The following ALS2CL variants were observed in gnomAD, a reference collection of about 807,000 sequenced individuals.
ALS2CL encodes the protein ALS2 C-terminal-like protein.
ALS2CL carries 112 observed loss-of-function variants against 127.9 expected under a neutral mutation model. The observed-to-expected ratio is 0.88, with a 90% confidence interval of 0.75 to 1.02. The LOEUF is 1.02. Among genes scored for constraint, ALS2CL ranks in the 50% least tolerant of loss-of-function variants. ALS2CL has a pLI of 0.00. For missense variants in ALS2CL, 1,174 were observed against 1,236.7 expected (o/e 0.95, Z 0.76); for synonymous variants, 519 against 527.6 (o/e 0.98, Z 0.22).
rs374391416 is a variant in ALS2CL, at chr3:46,674,551, G to A, written c.2429+15C>T. 6.2e-7 allele frequency: 1 copy of A among 1,606,430 alleles called. No homozygotes were observed. The highest frequency in any genetic ancestry group is 8.5e-7 in the Non-Finnish European group (1 of 1,176,084). ...GAGTCCTGGCTAACACGGCACGGGG[G>A]AAGGGAAGGCTTACTTCTGCACATC... On this transcript the variant is annotated intron_variant, in intron 21 of 25. Coordinates refer to ENST00000318962, the MANE Select transcript of ALS2CL (RefSeq NM_147129.5).
Position 46,683,999 on chromosome 3 carries a change from C to T in ALS2CL, c.835G>A (p.Gly279Arg), listed in dbSNP as rs1288066524. Reference sequence around the variant, plus strand: ...GAGGGGGTTGCTCACCCGTCCTGCCCAGGATCCACCCACACCAGCTTCAGA... The same window carrying T: ...GAGGGGGTTGCTCACCCGTCCTGCCTAGGATCCACCCACACCAGCTTCAGA... ...FDLKLVWVDP[G>R]QDGCTFHLLT... Residue 279 changes from glycine (G) to arginine (R), a missense_variant, in exon 8 of 26, where the codon GGG becomes AGG. Physicochemically the swap from Gly to Arg is moderately radical, Grantham distance 125. Coordinates refer to ENST00000318962, the MANE Select transcript of ALS2CL (RefSeq NM_147129.5). 1 of 1,581,992 alleles carries T rather than the reference C, an allele frequency of 6.3e-7. No individual in the cohort carries two copies. The highest frequency in any genetic ancestry group is 1.1e-5 in the South Asian group (1 of 88,002).
At chr3:46,675,745 A>G in intron 19 of ALS2CL, 59 bp from the exon 20 acceptor site, 1 of 1,609,174 alleles carries the variant, frequency 6.2e-7, no homozygotes. Context: ...CTGGAGTTCT[A>G]CCACCAGTCA....
chr3:46,671,849 C>G, intron 24 of ALS2CL, 35 bp downstream of exon 24: 1 of 1,610,642 alleles, frequency 6.2e-7, no homozygotes, highest in Non-Finnish European at 8.5e-7. Flanking sequence ...GGGACCCTGC[C>G]CCTGCCCTGC....
intron 1 of ALS2CL, among the ~76,000 whole-genome samples, chr3:46,689,750 G>C (rs892070353): frequency 1.3e-5 from 2 of 152,198 alleles, no homozygotes; most frequent in Non-Finnish European, 2.9e-5. Flanking sequence ...AGCCCAGTTT[G>C]GCCTGCTCAT....
rs117410920 is a variant in ALS2CL at position 46,677,891 on chromosome 3, G to A, written c.1757+368C>T. Among the ~76,000 whole-genome samples, 59 of 151,578 alleles carry A rather than the reference G, an allele frequency of 3.9e-4. No homozygotes were observed. The East Asian group carries it at 6.0e-3, about 15-fold the overall frequency. ...GGCTCAATGATCAGTTGTAAATGCC[G>A]TAGGACATGTCTACATATCCCTTTC... is the stretch of plus-strand genomic sequence containing the variant. On this transcript the variant is annotated intron_variant, in intron 16 of 25. Transcript: ENST00000318962.
chr3:46,671,686 C>T, intron 24 of ALS2CL, 102 bp from the exon 25 acceptor site: 1 of 1,583,710 alleles, frequency 6.3e-7, no homozygotes, highest in Non-Finnish European at 8.6e-7. Context: ...TGGCTGGACA[C>T]CTGGGGTGTG....
intron 1 of ALS2CL, among the ~76,000 whole-genome samples, chr3:46,691,286 G>A (rs572872483): frequency 6.6e-6 from 1 of 152,326 alleles, no homozygotes; most frequent in African/African-American, 2.4e-5. Flanking sequence ...AAGCTAAGAG[G>A]TGAGGATATC....
intron 7 of ALS2CL, 31 bp downstream of exon 7, chr3:46,685,494 C>T: frequency 6.2e-7 from 1 of 1,610,374 alleles, no homozygotes. Flanking sequence ...CCTACTGTGG[C>T]CTCAAGACCT....
intron 14 of ALS2CL, chr3:46,680,035 AATAATGAC>A: frequency 4.9e-6 from 1 of 205,942 alleles, no homozygotes; most frequent in Non-Finnish European, 1.0e-5. Flanking sequence ...CACTAGGGAT[AATAATGAC>A]ATCAACCTGC....
At chr3:46,685,771 C>T (rs1699718891) in intron 6 of ALS2CL, 127 bp from the exon 7 acceptor site, 1 of 1,354,718 alleles carries the variant, frequency 7.4e-7, no homozygotes, top group South Asian at 1.5e-5. Flanking sequence ...CTGGAGCGGA[C>T]CCTGGGTCAG....
At chr3:46,672,763 G>A (rs1322075569) in intron 22 of ALS2CL, among the ~76,000 whole-genome samples, 1 of 152,208 alleles carries the variant, frequency 6.6e-6, no homozygotes, top group Non-Finnish European at 1.5e-5. Context: ...AGGAGGCGAA[G>A]GCAAGCAGAT....
At position 46,674,213 on chromosome 3, in the gene ALS2CL, C is replaced by A. The variant is rs370262287; in HGVS notation, c.2429+353G>T. Among the ~76,000 whole-genome samples the A allele has an allele frequency of 4.6e-5, 7 of 152,302 alleles. 1 individual carries two copies. The highest frequency in any genetic ancestry group is 1.7e-4 in the African/African-American group (7 of 41,570). On this transcript the variant is annotated intron_variant, in intron 21 of 25. Transcript: ENST00000318962. ...GGCACTCAGGGGTGGGCTCAAGACC[C>A]AAGCCCCAAGCCGAGCCAGTGAGGG...
At chr3:46,679,633 G>A (rs1005502029) in intron 14 of ALS2CL, 5 of 178,938 alleles carry the variant, frequency 2.8e-5, no homozygotes, top group African/African-American at 1.2e-4. Flanking sequence ...GGGAACGGCA[G>A]AGCTGACCAG....
chr3:46,684,442 T>G (rs1394855365), intron 7 of ALS2CL, among the ~76,000 whole-genome samples: 1 of 151,954 alleles, frequency 6.6e-6, no homozygotes, highest in Non-Finnish European at 1.5e-5. Flanking sequence ...AATCACACCT[T>G]CATGAGCTTG....
Position 46,671,478 on chromosome 3 carries a change from T to A in ALS2CL, c.2781+10A>T. The stretch of plus-strand genomic sequence containing the variant: ...CATTTCCACCTCGGTCCACAGCCCC[T>A]GTCCCTTACCTCCAGGGCTGTGAGC... On this transcript the variant is annotated intron_variant, in intron 25 of 25. Transcript: ENST00000318962. 6.2e-7 allele frequency: 1 copy of A among 1,613,936 alleles called. No homozygotes were observed. The highest frequency in any genetic ancestry group is 8.5e-7 in the Non-Finnish European group (1 of 1,179,976).
At chr3:46,684,504 G>A (rs1291397286) in intron 7 of ALS2CL, among the ~76,000 whole-genome samples, 1 of 152,176 alleles carries the variant, frequency 6.6e-6, no homozygotes, top group Admixed American at 6.6e-5. Context: ...CTTCTACCTG[G>A]AATGCCATCC....
chr3:46,682,075 C>T lies in ALS2CL; in HGVS notation c.1129G>A (p.Asp377Asn). 6.2e-7 allele frequency: 1 copy of T among 1,614,016 alleles called. No individual in the cohort carries two copies. Among genetic ancestry groups the T allele is most frequent in the Middle Eastern group, 1.6e-4 (1 of 6,062 alleles). The change falls in exon 11 of 26, where the codon GAT becomes AAT. Residue 377 changes from aspartate (D) to asparagine (N), a missense_variant. Physicochemically the swap from Asp to Asn is conservative, Grantham distance 23. Coordinates refer to ENST00000318962, the MANE Select transcript of ALS2CL (RefSeq NM_147129.5). ...AAATTCCCCACGTGATTCCGCCCAT[C>T]CGGCCATTTCAGGGTTCCCCTGGAA... Reference protein sequence around the residue: ...PHGKGTLKWPDGRNHVGNFCQ... With the variant: ...PHGKGTLKWPNGRNHVGNFCQ...
chr3:46,678,244 G>A lies in ALS2CL; in HGVS notation c.1757+15C>T. On this transcript the variant is annotated intron_variant, in intron 16 of 25. Transcript: ENST00000318962. ...TCCCCAGATAGGCCCAGAGCCAGAG[G>A]GGCCAGGCACTCACCTCTTGCAGGT... 1 of 1,560,106 alleles carries A rather than the reference G, an allele frequency of 6.4e-7. No homozygotes were observed. Among genetic ancestry groups the A allele is most frequent in the Non-Finnish European group, 8.7e-7 (1 of 1,145,202 alleles).
rs894540680 is a variant in ALS2CL, at chr3:46,681,604, A to C, written c.1176-6T>G. On this transcript the variant is annotated splice_region_variant and splice_polypyrimidine_tract_variant and intron_variant, in intron 11 of 25. Transcript: ENST00000318962. This position sits in a 1 kb window ranked among gnomAD's most constrained non-coding sequence, Gnocchi z 4.9. ...GCAGCAGGCGGATGCCGAAGCTGAC[A>C]GCATGGTTGTGGGGGTGGGGATCAG... is the stretch of plus-strand genomic sequence containing the variant. 6.2e-7 allele frequency: 1 copy of C among 1,614,004 alleles called. No homozygotes were observed. Among genetic ancestry groups the C allele is most frequent in the Admixed American group, 1.7e-5 (1 of 60,012 alleles).
Sources: allele counts gnomAD v4.1 joint callset (sites outside exome capture counted in the v4.1 genomes callset), GRCh38; gene constraint gnomAD v4.1.1; non-coding constraint Gnocchi (gnomAD v3.1); transcripts MANE v1.5; gene names NCBI Gene and HGNC (gene_info 2026-07-23, HGNC 2026-07-21).